The following CFAP74 variants were observed in gnomAD, a reference collection of about 807,000 sequenced individuals.
The protein encoded by CFAP74 is cilia and flagella associated protein 74, also known as cilia- and flagella-associated protein 74.
In CFAP74, 124 loss-of-function variants were observed where a neutral mutation model predicts 188.9. The observed-to-expected ratio is 0.66, with a 90% CI of 0.57 to 0.76. The LOEUF is 0.76. Among genes scored for constraint, CFAP74 ranks in the 30% least tolerant of loss-of-function variants. The pLI is 0.00. For missense variants in CFAP74, 2,198 were observed against 2,165.2 expected (o/e 1.02, Z -0.30); for synonymous variants, 956 against 916.7 (o/e 1.04, Z -0.77).
intron 6 of CFAP74, chr1:1,983,900 A>C (rs1357439206): frequency 6.6e-6 from 1 of 151,798 alleles, no homozygotes; most frequent in Non-Finnish European, 1.5e-5. Flanking sequence ...CGTGTTAGCC[A>C]GGATGGTCTC....
In CFAP74 at chr1:1,963,822, T is replaced by C. The variant is rs374780462; in HGVS notation, c.1621A>G (p.Asn541Asp). Residue 541 changes from asparagine (N) to aspartate (D), a missense_variant, in exon 14 of 39, where the codon AAC (asparagine) becomes GAC (aspartate). By Grantham distance (23) the Asn-to-Asp change is conservative (BLOSUM62 1). Transcript: ENST00000682832. ...KVYKKKITLV[N>D]TTYTINYCKL... ...CAGTAGTTGATCGTGTAGGTGGTGTTTACCAACGTGATCTTTTTCTTGTAC... is the reference window on the plus strand; with the variant it reads ...CAGTAGTTGATCGTGTAGGTGGTGTCTACCAACGTGATCTTTTTCTTGTAC... 29 of 1,613,900 alleles carry C rather than the reference T, an allele frequency of 1.8e-5. No homozygotes were observed. In the African/African-American group the frequency reaches 3.2e-4, roughly 18 times the overall value.
Position 1,939,669 on chromosome 1 carries a change from C to G in CFAP74, c.2802G>C (p.Glu934Asp). ...EVDFGYCTIY[E>D]AIRTEISLHN... ...GGAGGCTGATTTCCGTCCTGATGGCCTCATAGATGGTGCAGTAGCCAAAAT... is the reference window on the plus strand; with the variant it reads ...GGAGGCTGATTTCCGTCCTGATGGCGTCATAGATGGTGCAGTAGCCAAAAT... The change falls in exon 24 of 39, where the codon GAG (glutamate) becomes GAC (aspartate). Residue 934 changes from glutamate (E) to aspartate (D), a missense_variant. Transcript: ENST00000682832. 6.5e-7 allele frequency: 1 copy of G among 1,536,058 alleles called. No homozygotes were observed. Among genetic ancestry groups the G allele is most frequent in the Non-Finnish European group, 8.7e-7 (1 of 1,146,860 alleles).
chr1:1,953,731 T>G (rs886811517), intron 18 of CFAP74: 2 of 153,642 alleles, frequency 1.3e-5, no homozygotes, highest in African/African-American at 4.8e-5. Context: ...AGGAGTGAAT[T>G]TGAGGTGGAT....
rs775373342 is a variant in CFAP74, at chr1:1,923,542, G to C, written c.4390-43C>G. 3.1e-6 allele frequency: 5 copies of C among 1,591,164 alleles called. No homozygotes were observed. The Admixed American group carries it at 6.8e-5, about 22-fold the overall frequency. ...AGTGGCCTTGTCCCCGAAGCTCGGCGGCAGGGGTCCTGCTGGTGAGAGCTG... is the reference window on the plus strand; with the variant it reads ...AGTGGCCTTGTCCCCGAAGCTCGGCCGCAGGGGTCCTGCTGGTGAGAGCTG... On this transcript the variant is annotated intron_variant, in intron 35 of 38. Transcript: ENST00000682832. The surrounding 1 kb of genome is among the most constrained non-coding windows in gnomAD (Gnocchi z 6.3).
chr1:1,938,000 TCACA>T (rs1336983793), intron 25 of CFAP74, among the ~76,000 whole-genome samples: 1 of 151,734 alleles, frequency 6.6e-6, no homozygotes. Flanking sequence ...ACTCAAGCAC[TCACA>T]CATACAAGCA....
intron 1 of CFAP74, among the ~76,000 whole-genome samples, chr1:2,002,721 A>G (rs1258950535): frequency 6.7e-6 from 1 of 150,266 alleles, no homozygotes; most frequent in Non-Finnish European, 1.5e-5. Flanking sequence ...AGTTTAATAT[A>G]TATTATTAAA....
At chr1:1,944,234 C>T (rs957482824) in intron 21 of CFAP74, 97 bp downstream of exon 21, 9 of 1,473,080 alleles carry the variant, frequency 6.1e-6, no homozygotes, top group Middle Eastern at 2.4e-4. Context: ...ACCCCGTGTG[C>T]GTGGACAGGA....
chr1:1,954,963 G>A (rs1558021175), intron 18 of CFAP74: 4 of 1,200,698 alleles, frequency 3.3e-6, no homozygotes, highest in Non-Finnish European at 3.2e-6. Context: ...GCAGAAGGAC[G>A]GATCTAGAAC....
At chr1:1,989,540 C>T (rs1657452514) in intron 2 of CFAP74, among the ~76,000 whole-genome samples, 1 of 152,168 alleles carries the variant, frequency 6.6e-6, no homozygotes, top group South Asian at 2.1e-4. Context: ...GGCTCTCTGC[C>T]ACCTTCGCCT....
Position 1,974,118 on chromosome 1 carries a change from G to A in CFAP74, c.581C>T (p.Thr194Met), listed in dbSNP as rs142576005. The A allele has an allele frequency of 4.9e-5, 79 of 1,612,088 alleles. 1 individual carries two copies. Among genetic ancestry groups the A allele is most frequent in the South Asian group, 1.9e-4 (17 of 90,894 alleles). The change falls in exon 7 of 39, where the codon ACG (threonine) becomes ATG (methionine). Residue 194 changes from threonine to methionine, a missense_variant. Thr to Met is a moderately conservative substitution (Grantham distance 81, BLOSUM62 -1). Transcript: ENST00000682832. ...RTADREEVEA[T>M]GRRLQVRAAE... is the part of the protein sequence containing the mutation. The stretch of plus-strand genomic sequence containing the variant: ...TGCGCGCACCTGGAGCCGCCGCCCC[G>A]TGGCCTCCACCTCCTCACGGTCAGC...
At chr1:1,950,336 A>ATT (rs879761291) in intron 18 of CFAP74, among the ~76,000 whole-genome samples, 11 of 134,772 alleles carry the variant, frequency 8.2e-5, no homozygotes, top group African/African-American at 1.4e-4. Flanking sequence ...TCTTTTGCCC[A>ATT]TTTTTTTTTT....
At chr1:1,924,144 AC>A (rs1187697758) in intron 34 of CFAP74, among the ~76,000 whole-genome samples, 1 of 21,290 alleles carries the variant, frequency 4.7e-5, no homozygotes, top group Non-Finnish European at 8.8e-5. Flanking sequence ...CTCACTGCCC[AC>A]CCCCCCAGCT....
At chr1:1,962,289 A>C (rs1268330166) in intron 14 of CFAP74, among the ~76,000 whole-genome samples, 2 of 152,132 alleles carry the variant, frequency 1.3e-5, no homozygotes, top group Non-Finnish European at 2.9e-5. Flanking sequence ...CAGCCTGGCC[A>C]ACATGGTGAA....
chr1:1,976,771 G>T (rs1656474521), intron 6 of CFAP74, among the ~76,000 whole-genome samples: 1 of 152,052 alleles, frequency 6.6e-6, no homozygotes, highest in Non-Finnish European at 1.5e-5. Context: ...TCAAACTCCT[G>T]ACCTCAGGTG....
At chr1:1,989,887 T>C (rs2102107635) in intron 2 of CFAP74, among the ~76,000 whole-genome samples, 1 of 152,278 alleles carries the variant, frequency 6.6e-6, no homozygotes, top group East Asian at 1.9e-4. Flanking sequence ...GAGGGTCCCT[T>C]AGTGTCCTTC....
chr1:1,956,918 A>C, intron 16 of CFAP74, 134 bp from the exon 17 acceptor site: 1 of 884,700 alleles, frequency 1.1e-6, no homozygotes, highest in Non-Finnish European at 1.7e-6. Context: ...AAGCAGGTAC[A>C]CGATTCAACC....
rs1170326759 is a variant in CFAP74, at chr1:1,956,723, CGA to C, written c.1911_1912del (p.Arg638AspfsTer24). On this transcript the variant is annotated frameshift_variant, in exon 17 of 39. Coordinates refer to ENST00000682832, the MANE Select transcript of CFAP74 (RefSeq NM_001304360.2). LOFTEE classifies it high-confidence loss of function. ...CCCAACGTTGGTCAGCGTGATGGTC[CGA>C]GACGTGGTCTCTCCTACCACGTAGC... 1.4e-5 allele frequency: 23 copies of C among 1,613,768 alleles called. No homozygotes were observed. Among genetic ancestry groups the C allele is most frequent in the Non-Finnish European group, 1.9e-5 (23 of 1,179,938 alleles).
At chr1:1,988,786 G>A (rs1270972679) in intron 3 of CFAP74, 103 bp downstream of exon 3, 3 of 1,231,844 alleles carry the variant, frequency 2.4e-6, no homozygotes, top group Admixed American at 2.1e-5. Flanking sequence ...TACAGCCTGT[G>A]GGAGGGAGGA....
At position 1,968,729 on chromosome 1, in the gene CFAP74, C is replaced by G. The variant is rs1465602009; in HGVS notation, c.1151G>C (p.Ser384Thr). 1.2e-6 allele frequency: 2 copies of G among 1,614,024 alleles called. No homozygotes were observed. Among genetic ancestry groups the G allele is most frequent in the African/African-American group, 2.7e-5 (2 of 74,924 alleles). Residue 384 changes from serine (S) to threonine (T), a missense_variant, in exon 11 of 39, where the codon AGT becomes ACT. Transcript: ENST00000682832. This position sits in a 1 kb window ranked among gnomAD's most constrained non-coding sequence, Gnocchi z 4.3. ...CCTCAGGGTCAGCCGGTGCCTGGCACTGGTGGGGGGATGCTGTTTCTTCCT... is the reference window on the plus strand; with the variant it reads ...CCTCAGGGTCAGCCGGTGCCTGGCAGTGGTGGGGGGATGCTGTTTCTTCCT... Reference protein sequence around the residue: ...EKRKKQHPPTSARHRLTLRDK... With the variant: ...EKRKKQHPPTTARHRLTLRDK...
Sources: allele counts gnomAD v4.1 joint callset (sites outside exome capture counted in the v4.1 genomes callset), GRCh38; gene constraint gnomAD v4.1.1; non-coding constraint Gnocchi (gnomAD v3.1); transcripts MANE v1.5; gene names NCBI Gene and HGNC (gene_info 2026-07-23, HGNC 2026-07-21).